ARHGAP25: variants seen among roughly 807,000 people sequenced by gnomAD.
ARHGAP25 encodes the protein rho GTPase-activating protein 25.
ARHGAP25 carries 34 observed loss-of-function variants against 71.0 expected under a neutral mutation model. The ratio of observed to expected loss-of-function variants is 0.48; its 90% CI spans 0.36 to 0.64. The LOEUF (loss-of-function observed/expected upper bound fraction) is 0.64, where lower values mean the gene tolerates loss of function less well. Among genes scored for constraint, ARHGAP25 ranks in the 30% least tolerant of loss-of-function variants. The pLI is 0.00. For synonymous variants in ARHGAP25, 282 were observed against 296.5 expected, an observed-to-expected ratio of 0.95 and a Z score of 0.50; for missense variants, 706 against 805.1, an observed-to-expected ratio of 0.88 and a Z score of 1.49.
chr2:68,825,968 T>C lies in ARHGAP25; in HGVS notation c.1734-19T>C. ...AATGAATGCCACATTCTTTCATTCT[T>C]TTCTTTCCTTCCTTGTAGCCTTGAG... On this transcript the variant is annotated intron_variant, in intron 10 of 10. Transcript: ENST00000409202. 6.3e-7 allele frequency: 1 copy of C among 1,596,796 alleles called. No individual in the cohort carries two copies. Among genetic ancestry groups the C allele is most frequent in the African/African-American group, 1.4e-5 (1 of 73,966 alleles).
intron 4 of ARHGAP25, among the ~76,000 whole-genome samples, chr2:68,806,307 G>A (rs181920743): frequency 2.7e-4 from 41 of 152,320 alleles, no homozygotes; most frequent in Non-Finnish European, 3.8e-4. Context: ...GTGAATGAAC[G>A]TGTTTGCTGT....
chr2:68,814,183 C>A (rs1681036446), intron 6 of ARHGAP25, among the ~76,000 whole-genome samples: 2 of 152,202 alleles, frequency 1.3e-5, no homozygotes, highest in South Asian at 4.1e-4. Context: ...CAAAATGGTG[C>A]ACAGAAAAAT....
At chr2:68,769,971 G>A (rs1677380286) in intron 1 of ARHGAP25, among the ~76,000 whole-genome samples, 2 of 152,172 alleles carry the variant, frequency 1.3e-5, no homozygotes, top group Non-Finnish European at 2.9e-5. Context: ...GGTCATCAGA[G>A]GCTTTTAGGC....
chr2:68,781,484 A>G (rs538140470), intron 2 of ARHGAP25, among the ~76,000 whole-genome samples: 177 of 152,310 alleles, frequency 1.2e-3, no homozygotes, highest in African/African-American at 4.1e-3. Flanking sequence ...TTTTCTGATA[A>G]TATATCTGTG....
At chr2:68,729,962 G>A (rs1191148764), upstream of ARHGAP25, among the ~76,000 whole-genome samples, 1 of 152,202 alleles carries the variant, frequency 6.6e-6, no homozygotes, top group Non-Finnish European at 1.5e-5. Context: ...GAAAATTTAT[G>A]CATATCTCCA....
intron 1 of ARHGAP25, among the ~76,000 whole-genome samples, chr2:68,764,969 T>C (rs535746072): frequency 6.6e-6 from 1 of 152,176 alleles, no homozygotes; most frequent in South Asian, 2.1e-4. Context: ...GTCATTTTAA[T>C]GGAAATTTGG....
intron 1 of ARHGAP25, among the ~76,000 whole-genome samples, chr2:68,743,322 C>T (rs1328529126): frequency 3.9e-5 from 1 of 25,670 alleles, no homozygotes; most frequent in Non-Finnish European, 9.6e-5. Flanking sequence ...TGCTTGTGAT[C>T]ACTTACATGT....
intron 3 of ARHGAP25, among the ~76,000 whole-genome samples, chr2:68,786,416 TCA>T (rs760476584): frequency 6.6e-6 from 1 of 152,204 alleles, no homozygotes; most frequent in Non-Finnish European, 1.5e-5. Flanking sequence ...TGGCAGCAAC[TCA>T]CTGGATACTG....
At chr2:68,776,334 G>A (rs768401536) in intron 2 of ARHGAP25, among the ~76,000 whole-genome samples, 4 of 152,234 alleles carry the variant, frequency 2.6e-5, no homozygotes, top group Non-Finnish European at 5.9e-5. Context: ...GGGAGGCATT[G>A]CAGGGCTCTG....
At chr2:68,751,766 A>T (rs1676190889) in intron 1 of ARHGAP25, among the ~76,000 whole-genome samples, 1 of 152,244 alleles carries the variant, frequency 6.6e-6, no homozygotes, top group Admixed American at 6.5e-5. Flanking sequence ...CTCATTAAGT[A>T]ATCCTGTAAT....
At chr2:68,793,442 G>A (rs2104413888) in intron 4 of ARHGAP25, among the ~76,000 whole-genome samples, 1 of 152,084 alleles carries the variant, frequency 6.6e-6, no homozygotes, top group Non-Finnish European at 1.5e-5. Flanking sequence ...TAATCATCTT[G>A]ATTTTTGTAT....
intron 1 of ARHGAP25, among the ~76,000 whole-genome samples, chr2:68,765,772 G>A (rs1573470865): frequency 6.6e-6 from 1 of 152,196 alleles, no homozygotes; most frequent in African/African-American, 2.4e-5. Context: ...TAGAATAGGA[G>A]AAACATATTA....
upstream of ARHGAP25, among the ~76,000 whole-genome samples, chr2:68,734,452 C>T (rs767039872): frequency 6.6e-6 from 1 of 152,164 alleles, no homozygotes; most frequent in Non-Finnish European, 1.5e-5. Flanking sequence ...ATCCTGAGCA[C>T]CTGGAGAGCT....
chr2:68,755,818 C>A (rs1366082954), intron 1 of ARHGAP25, among the ~76,000 whole-genome samples: 2 of 152,186 alleles, frequency 1.3e-5, no homozygotes, highest in Non-Finnish European at 2.9e-5. Context: ...CTTGAGCACA[C>A]GGAGCAAATC....
At chr2:68,819,576 A>T (rs148445714) in intron 9 of ARHGAP25, 273 of 648,740 alleles carry the variant, frequency 4.2e-4, no homozygotes, top group Non-Finnish European at 6.8e-4. Flanking sequence ...GTCCTCACTG[A>T]AGCCCACTCT....
At chr2:68,806,322 A>G (rs1680361159) in intron 4 of ARHGAP25, among the ~76,000 whole-genome samples, 1 of 152,200 alleles carries the variant, frequency 6.6e-6, no homozygotes, top group South Asian at 2.1e-4. Flanking sequence ...TGCTGTGGCA[A>G]TGTTTATAAT....
chr2:68,814,903 A>G (rs555957240), intron 6 of ARHGAP25, among the ~76,000 whole-genome samples: 1 of 152,340 alleles, frequency 6.6e-6, no homozygotes, highest in Non-Finnish European at 1.5e-5. Context: ...TGGGGGAGGG[A>G]GAAAGGGATA....
chr2:68,780,012 G>C (rs1231253529), intron 2 of ARHGAP25, among the ~76,000 whole-genome samples: 1 of 152,178 alleles, frequency 6.6e-6, no homozygotes, highest in East Asian at 1.9e-4. Context: ...TGTAATTCTG[G>C]AATCACACTG....
At chr2:68,793,308 G>A (rs930157909) in intron 4 of ARHGAP25, among the ~76,000 whole-genome samples, 2 of 152,064 alleles carry the variant, frequency 1.3e-5, no homozygotes, top group African/African-American at 4.8e-5. Flanking sequence ...TATTTTTGCG[G>A]CCTGTGCTTT....
Sources: allele counts gnomAD v4.1 joint callset (sites outside exome capture counted in the v4.1 genomes callset), GRCh38; gene constraint gnomAD v4.1.1; transcripts MANE v1.5; gene names NCBI Gene and HGNC (gene_info 2026-07-23, HGNC 2026-07-21).